The following SLC6A6 variants were observed in gnomAD, a reference collection of about 807,000 sequenced individuals.
The protein encoded by SLC6A6 is sodium- and chloride-dependent taurine transporter.
Under a neutral mutation model 68.8 loss-of-function variants are expected in SLC6A6, and 16 were observed. The observed-to-expected ratio is 0.23, with a 90% CI of 0.16 to 0.35. The LOEUF (loss-of-function observed/expected upper bound fraction) is 0.35, where lower values mean the gene tolerates loss of function less well. SLC6A6 is among the 10% of genes least tolerant of loss of function. The pLI is 1.00. For synonymous variants in SLC6A6, 312 were observed against 315.4 expected, an observed-to-expected ratio of 0.99 and a Z score of 0.12; for missense variants, 474 against 802.8, an observed-to-expected ratio of 0.59 and a Z score of 4.95.
intron 12 of SLC6A6, chr3:14,478,769 T>C: frequency 3.3e-6 from 2 of 602,250 alleles, no homozygotes; most frequent in South Asian, 4.0e-5. Flanking sequence ...TGACTGGATG[T>C]TTTCACAGTT....
At chr3:14,436,227 G>T (rs1227362150) in intron 2 of SLC6A6, among the ~76,000 whole-genome samples, 1 of 152,082 alleles carries the variant, frequency 6.6e-6, no homozygotes, top group Admixed American at 6.5e-5. Flanking sequence ...TAGAAACAGG[G>T]TCTTGCTCTG....
intron 2 of SLC6A6, among the ~76,000 whole-genome samples, chr3:14,434,784 G>A (rs369985789): frequency 1.3e-5 from 2 of 152,110 alleles, no homozygotes; most frequent in South Asian, 2.1e-4. Context: ...GGAGCCTGCC[G>A]TGCCTCCACC....
intron 2 of SLC6A6, among the ~76,000 whole-genome samples, chr3:14,419,015 G>T (rs1261730903): frequency 1.3e-5 from 2 of 152,214 alleles, no homozygotes; most frequent in South Asian, 4.1e-4. Context: ...CTGCCGTGAG[G>T]CTGGAATGTG....
intron 1 of SLC6A6, among the ~76,000 whole-genome samples, chr3:14,410,358 G>A (rs1288400701): frequency 6.6e-6 from 1 of 152,076 alleles, no homozygotes; most frequent in Non-Finnish European, 1.5e-5. Flanking sequence ...TCACATCCTG[G>A]TTTTGTCACA....
At chr3:14,473,039 G>A (rs1327025187) in intron 10 of SLC6A6, among the ~76,000 whole-genome samples, 1 of 152,198 alleles carries the variant, frequency 6.6e-6, no homozygotes, top group African/African-American at 2.4e-5. Flanking sequence ...TCAGGGCTCA[G>A]GCCTCCACTA....
chr3:14,415,273 G>A (rs1419685930), intron 1 of SLC6A6, among the ~76,000 whole-genome samples: 2 of 152,206 alleles, frequency 1.3e-5, no homozygotes, highest in Non-Finnish European at 2.9e-5. Flanking sequence ...GTGCCAGTGT[G>A]AGCCTGTTGA....
intron 2 of SLC6A6, among the ~76,000 whole-genome samples, chr3:14,421,752 C>CA (rs1699490549): frequency 6.6e-6 from 1 of 152,138 alleles, no homozygotes; most frequent in Non-Finnish European, 1.5e-5. Context: ...AACTGGGGCT[C>CA]AGGAAGGCAG....
chr3:14,474,358 G>C lies in SLC6A6; in HGVS notation c.1209+2041G>C, dbSNP rs915495045. ...CGGTCCTCATGGCAGGCTTCTGTGT[G>C]TGCGTGTGTTTGGGGTGACCACACA... On this transcript the variant is annotated intron_variant, in intron 10 of 14. Coordinates refer to ENST00000622186, the MANE Select transcript of SLC6A6 (RefSeq NM_003043.6). 3.3e-5 allele frequency among the ~76,000 whole-genome samples: 5 copies of C among 152,210 alleles called. No homozygotes were observed. In the East Asian group the frequency reaches 7.7e-4, roughly 23 times the overall value.
intron 1 of SLC6A6, among the ~76,000 whole-genome samples, chr3:14,409,843 G>A (rs62231829): frequency 0.022 from 3,401 of 152,228 alleles, 62 homozygotes; most frequent in Middle Eastern, 0.065. Context: ...GGATGAGGAC[G>A]CTGAGGCCCA....
At chr3:14,410,093 G>C (rs903883652) in intron 1 of SLC6A6, among the ~76,000 whole-genome samples, 1 of 151,068 alleles carries the variant, frequency 6.6e-6, no homozygotes, top group Non-Finnish European at 1.5e-5. Context: ...GGCTGAGGCA[G>C]GAGAATCACT....
chr3:14,427,346 G>A (rs1236057077), intron 2 of SLC6A6, among the ~76,000 whole-genome samples: 1 of 152,182 alleles, frequency 6.6e-6, no homozygotes, highest in Admixed American at 6.5e-5. Flanking sequence ...CTGTGAGGTC[G>A]ATGCCATTAT....
intron 2 of SLC6A6, among the ~76,000 whole-genome samples, chr3:14,438,405 G>A (rs1699908112): frequency 6.6e-6 from 1 of 152,176 alleles, no homozygotes; most frequent in African/African-American, 2.4e-5. Flanking sequence ...CATGGCCTCA[G>A]CCCAGAATCT....
Position 14,481,618 on chromosome 3 carries a change from C to A in SLC6A6, c.1552-53C>A. 7.7e-7 allele frequency: 1 copy of A among 1,297,464 alleles called. No homozygotes were observed. The highest frequency in any genetic ancestry group is 1.1e-6 in the Non-Finnish European group (1 of 911,486). 80.4% of individuals were successfully genotyped at this position (1,297,464 alleles called of 1,614,324 possible). A position where few individuals can be genotyped will look rare whatever the true frequency, so the allele number is the denominator to read the frequency against. ...AGGCCAGTCCTAGTCCCAGAAGCCCCCCACCCCCCGATGCCCAGGACCCCT... is the reference window on the plus strand; with the variant it reads ...AGGCCAGTCCTAGTCCCAGAAGCCCACCACCCCCCGATGCCCAGGACCCCT... On this transcript the variant is annotated intron_variant, in intron 13 of 14. Transcript: ENST00000622186. This position sits in a 1 kb window ranked among gnomAD's most constrained non-coding sequence, Gnocchi z 4.7.
At chr3:14,410,317 C>T (rs1042900184) in intron 1 of SLC6A6, among the ~76,000 whole-genome samples, 1 of 152,178 alleles carries the variant, frequency 6.6e-6, no homozygotes, top group African/African-American at 2.4e-5. Context: ...ATGCCTCCAC[C>T]TCAAACCTTC....
At chr3:14,406,190 A>G (rs970274561) in intron 1 of SLC6A6, among the ~76,000 whole-genome samples, 2 of 152,138 alleles carry the variant, frequency 1.3e-5, no homozygotes, top group Admixed American at 1.3e-4. Context: ...TTTCACATAT[A>G]AAAATAGAGA....
At chr3:14,433,994 C>T (rs1362042658) in intron 2 of SLC6A6, among the ~76,000 whole-genome samples, 3 of 152,096 alleles carry the variant, frequency 2.0e-5, no homozygotes, top group Non-Finnish European at 4.4e-5. Context: ...CTAACTCTGG[C>T]CTTGGGGGCC....
At chr3:14,414,146 G>A (rs529379642) in intron 1 of SLC6A6, among the ~76,000 whole-genome samples, 7 of 152,258 alleles carry the variant, frequency 4.6e-5, no homozygotes, top group South Asian at 2.1e-4. Context: ...TCCCGGCTCC[G>A]GGTCTCTCTA....
intron 4 of SLC6A6, among the ~76,000 whole-genome samples, chr3:14,446,224 A>C (rs1451862746): frequency 6.6e-6 from 1 of 152,202 alleles, no homozygotes; most frequent in Non-Finnish European, 1.5e-5. Context: ...ACCATGGAAG[A>C]CTATGCAGCC....
In SLC6A6 at chr3:14,471,100, C is replaced by T. The variant is rs936281722; in HGVS notation, c.1097-1105C>T. Among the ~76,000 whole-genome samples the T allele has an allele frequency of 4.2e-5, 6 of 143,676 alleles. No homozygotes were observed. In the South Asian group the frequency reaches 1.1e-3, roughly 26 times the overall value. 94.3% of individuals were successfully genotyped at this position (143,676 alleles called of 152,430 possible). A position where few individuals can be genotyped will look rare whatever the true frequency, so the allele number is the denominator to read the frequency against. ...TCTAATCCCTGCTGAACAGCTCCTG[C>T]TCTGGCCCTTTTTGTTTCCTGCTTC... On this transcript the variant is annotated intron_variant, in intron 9 of 14. Transcript: ENST00000622186.
Sources: gnomAD v4.1 joint callset for allele counts (sites outside exome capture counted in the v4.1 genomes callset) on GRCh38, gnomAD v4.1.1 for gene constraint, Gnocchi (gnomAD v3.1) non-coding constraint, MANE v1.5 for transcripts, NCBI Gene and HGNC (gene_info 2026-07-23, HGNC 2026-07-21) for gene names.